CNTNAP5: variants seen among roughly 807,000 people sequenced by gnomAD.
The protein encoded by CNTNAP5 is contactin-associated protein-like 5.
A neutral mutation model predicts 150.2 loss-of-function variants in CNTNAP5; 72 were observed. That is an observed-to-expected ratio of 0.48 (90% confidence interval 0.40 to 0.58). The LOEUF (loss-of-function observed/expected upper bound fraction) is 0.58, where lower values mean the gene tolerates loss of function less well. CNTNAP5 is among the 20% of genes least tolerant of loss of function. CNTNAP5 has a pLI of 0.00. For missense variants in CNTNAP5, 1,636 were observed against 1,626.2 expected, an observed-to-expected ratio of 1.01 and a Z score of -0.10; for synonymous variants, 672 against 619.8, an observed-to-expected ratio of 1.08 and a Z score of -1.25.
intron 3 of CNTNAP5, among the ~76,000 whole-genome samples, chr2:124,362,188 C>T (rs373904271): frequency 1.3e-4 from 20 of 152,212 alleles, no homozygotes; most frequent in Admixed American, 4.6e-4. Context: ...TGCGCGAACC[C>T]GCTGACCTGC....
chr2:124,093,088 T>A (rs1354486655), intron 1 of CNTNAP5, among the ~76,000 whole-genome samples: 1 of 152,220 alleles, frequency 6.6e-6, no homozygotes, highest in Non-Finnish European at 1.5e-5. Context: ...GGGCTCTGTG[T>A]GAACAGTGCA....
At position 124,253,518 on chromosome 2, in the gene CNTNAP5, C is replaced by T. The variant is rs139457967; in HGVS notation, c.381+11125C>T. On this transcript the variant is annotated intron_variant, in intron 3 of 23. Transcript: ENST00000682447. ...CCAGCTGCCTTACTTTAAAAAGCAACAATTGCAATTCTTCGAGACAATTAT... is the reference window on the plus strand; with the variant it reads ...CCAGCTGCCTTACTTTAAAAAGCAATAATTGCAATTCTTCGAGACAATTAT... 3.8e-3 allele frequency among the ~76,000 whole-genome samples: 585 copies of T among 152,264 alleles called. 5 individuals are homozygous for T. The highest frequency in any genetic ancestry group is 0.014 in the African/African-American group (566 of 41,568).
At chr2:124,315,472 G>C (rs937262108) in intron 3 of CNTNAP5, among the ~76,000 whole-genome samples, 2 of 152,150 alleles carry the variant, frequency 1.3e-5, no homozygotes, top group African/African-American at 4.8e-5. Flanking sequence ...GAAGCAAGCA[G>C]AACAAGGCTT....
intron 1 of CNTNAP5, among the ~76,000 whole-genome samples, chr2:124,054,681 C>T (rs909544546): frequency 2.6e-5 from 4 of 152,166 alleles, no homozygotes; most frequent in Non-Finnish European, 5.9e-5. Flanking sequence ...ATCTTGGTAA[C>T]CCATGATTAC....
intron 7 of CNTNAP5, among the ~76,000 whole-genome samples, chr2:124,503,710 C>A (rs1319646276): frequency 1.3e-5 from 2 of 152,208 alleles, no homozygotes; most frequent in Non-Finnish European, 2.9e-5. Context: ...GCTACCCGGA[C>A]CTTCCTGTCC....
chr2:124,534,609 T>G (rs1695186575), intron 10 of CNTNAP5, among the ~76,000 whole-genome samples: 2 of 152,204 alleles, frequency 1.3e-5, no homozygotes. Context: ...GTGTGGTGGC[T>G]CACGCCTGTA....
chr2:124,818,455 G>GGA (rs1682415437), intron 19 of CNTNAP5, among the ~76,000 whole-genome samples: 1 of 151,810 alleles, frequency 6.6e-6, no homozygotes, highest in Non-Finnish European at 1.5e-5. Context: ...TGAGCCCAAG[G>GGA]GGGGTTTGCA....
intron 14 of CNTNAP5, 88 bp downstream of exon 14, chr2:124,747,473 G>A: frequency 1.4e-6 from 2 of 1,471,076 alleles, no homozygotes; most frequent in Admixed American, 1.7e-5. Flanking sequence ...ACATGGATGA[G>A]AAATTCAATA....
intron 13 of CNTNAP5, among the ~76,000 whole-genome samples, chr2:124,703,624 AT>A (rs1481685571): frequency 6.6e-6 from 1 of 152,178 alleles, no homozygotes; most frequent in African/African-American, 2.4e-5. Flanking sequence ...GCTAGTTTGA[AT>A]ATACCATAGG....
chr2:124,163,527 C>T (rs1263640003), intron 1 of CNTNAP5, among the ~76,000 whole-genome samples: 1 of 151,900 alleles, frequency 6.6e-6, no homozygotes, highest in Admixed American at 6.6e-5. Context: ...TGCTAGCTCT[C>T]AGGGCTCCTC....
intron 10 of CNTNAP5, among the ~76,000 whole-genome samples, chr2:124,559,905 C>T (rs566864521): frequency 1.3e-5 from 2 of 152,098 alleles, no homozygotes; most frequent in South Asian, 4.1e-4. Context: ...TCTACTAGTG[C>T]TCATTTATTA....
chr2:124,700,624 A>T (rs1679501390), intron 13 of CNTNAP5, among the ~76,000 whole-genome samples: 1 of 152,050 alleles, frequency 6.6e-6, no homozygotes, highest in Admixed American at 6.6e-5. Context: ...ACATCCTTTC[A>T]TGGTAAAGGA....
chr2:124,291,018 T>A (rs1040502665), intron 3 of CNTNAP5, among the ~76,000 whole-genome samples: 4 of 152,110 alleles, frequency 2.6e-5, no homozygotes, highest in African/African-American at 9.7e-5. Context: ...CAGAGTGAGA[T>A]CCTCATGGGC....
chr2:124,374,565 A>T (rs909581686), intron 3 of CNTNAP5, among the ~76,000 whole-genome samples: 4 of 152,164 alleles, frequency 2.6e-5, no homozygotes, highest in Non-Finnish European at 5.9e-5. Context: ...AAGTAGAGAA[A>T]ACAGAGTTGA....
chr2:124,049,298 G>C (rs1277101556), intron 1 of CNTNAP5, among the ~76,000 whole-genome samples: 1 of 152,128 alleles, frequency 6.6e-6, no homozygotes, highest in Non-Finnish European at 1.5e-5. Flanking sequence ...GTCTCTGGAG[G>C]CTGCAATACG....
chr2:124,648,309 T>C (rs141032601), intron 13 of CNTNAP5, among the ~76,000 whole-genome samples: 1 of 151,980 alleles, frequency 6.6e-6, no homozygotes, highest in Non-Finnish European at 1.5e-5. Flanking sequence ...AAATGCTAGT[T>C]TGGGGAGAGA....
At chr2:124,687,412 A>G (rs552382785) in intron 13 of CNTNAP5, among the ~76,000 whole-genome samples, 3 of 152,022 alleles carry the variant, frequency 2.0e-5, no homozygotes, top group Non-Finnish European at 4.4e-5. Flanking sequence ...ATTTCATTAG[A>G]TATGTTTAAC....
At chr2:124,497,692 T>C (rs929721605) in intron 7 of CNTNAP5, among the ~76,000 whole-genome samples, 1 of 152,226 alleles carries the variant, frequency 6.6e-6, no homozygotes, top group Non-Finnish European at 1.5e-5. Context: ...TGCTGAGACC[T>C]GGCAAAAATA....
chr2:124,497,607 T>C (rs1694180991), intron 7 of CNTNAP5, among the ~76,000 whole-genome samples: 2 of 152,182 alleles, frequency 1.3e-5, no homozygotes, highest in Non-Finnish European at 2.9e-5. Flanking sequence ...ATGAAGCCAT[T>C]TGTTAAGAAT....
Sources: allele counts gnomAD v4.1 joint callset (sites outside exome capture counted in the v4.1 genomes callset), GRCh38; gene constraint gnomAD v4.1.1; transcripts MANE v1.5; gene names NCBI Gene and HGNC (gene_info 2026-07-23, HGNC 2026-07-21).